ADCY2: variants seen among roughly 807,000 people sequenced by gnomAD.
The protein encoded by ADCY2 is adenylate cyclase 2.
ADCY2 carries 31 observed loss-of-function variants against 125.2 expected under a neutral mutation model. That is an observed-to-expected ratio of 0.25 (90% CI 0.19 to 0.33). The LOEUF (loss-of-function observed/expected upper bound fraction) is 0.33, where lower values mean the gene tolerates loss of function less well. Ranked by LOEUF, ADCY2 falls within the 10% of genes least tolerant of loss-of-function variation. The pLI is 1.00. For synonymous variants in ADCY2, 512 were observed against 548.4 expected, an observed-to-expected ratio of 0.93 and a Z score of 0.93; for missense variants, 904 against 1,418.2, an observed-to-expected ratio of 0.64 and a Z score of 5.82.
chr5:7,619,750 G>C (rs187893291), intron 3 of ADCY2, among the ~76,000 whole-genome samples: 3 of 152,292 alleles, frequency 2.0e-5, no homozygotes, highest in Admixed American at 2.0e-4. Context: ...GCAGAAAATA[G>C]GGAAGCCAAA....
In ADCY2 at chr5:7,626,239, G is replaced by A. The variant is rs1481792971; in HGVS notation, c.643G>A (p.Ala215Thr). 2 of 1,614,104 alleles carry A rather than the reference G, an allele frequency of 1.2e-6. No individual in the cohort carries two copies. Among genetic ancestry groups the A allele is most frequent in the Non-Finnish European group, 1.7e-6 (2 of 1,179,990 alleles). The change falls in exon 4 of 25, where the codon GCT becomes ACT. Residue 215 changes from alanine (A) to threonine (T), a missense_variant. Coordinates refer to ENST00000338316, the MANE Select transcript of ADCY2 (RefSeq NM_020546.3). ...CTACCATAAGCACCTCATGGAACTC[G>A]CTCTTCAGCAAACATATCAGGACAC... ...GAYHKHLMEL[A>T]LQQTYQDTCN...
chr5:7,572,448 C>G (rs920039495), intron 3 of ADCY2, among the ~76,000 whole-genome samples: 2 of 151,878 alleles, frequency 1.3e-5, no homozygotes, highest in Non-Finnish European at 2.9e-5. Context: ...ACATGTATGT[C>G]TCTTTTGGGG....
intron 18 of ADCY2, among the ~76,000 whole-genome samples, chr5:7,776,957 G>A (rs1360974577): frequency 1.3e-5 from 2 of 152,032 alleles, no homozygotes; most frequent in African/African-American, 4.8e-5. Flanking sequence ...CTTGGACTGA[G>A]CCACTCCCAG....
At position 7,698,776 on chromosome 5, in the gene ADCY2, C is replaced by T. The variant is rs187778161; in HGVS notation, c.1109+402C>T. The stretch of plus-strand genomic sequence containing the variant: ...TGTATATGTGCCACATTTTCTTAAT[C>T]CAGTCTATCGTTGGTGGACTTTTGG... On this transcript the variant is annotated intron_variant, in intron 7 of 24. Coordinates refer to ENST00000338316, the MANE Select transcript of ADCY2 (RefSeq NM_020546.3). Among the ~76,000 whole-genome samples the T allele has an allele frequency of 1.8e-4, 27 of 152,324 alleles. No individual in the cohort carries two copies. The East Asian group carries it at 4.1e-3, about 23-fold the overall frequency.
chr5:7,556,608 A>AG (rs934495775), intron 3 of ADCY2, among the ~76,000 whole-genome samples: 1 of 152,190 alleles, frequency 6.6e-6, no homozygotes, highest in African/African-American at 2.4e-5. Context: ...ACTTTAGACC[A>AG]GGGGTCCCTG....
intron 15 of ADCY2, among the ~76,000 whole-genome samples, chr5:7,747,344 TTC>T (rs1379763601): frequency 6.6e-6 from 1 of 152,242 alleles, no homozygotes; most frequent in East Asian, 1.9e-4. Context: ...TCTAAATTGT[TTC>T]TGTTTCCCCT....
chr5:7,693,408 T>TTTTTTTTGTTTTG (rs1554032723), intron 5 of ADCY2, among the ~76,000 whole-genome samples: 1 of 67,592 alleles, frequency 1.5e-5, no homozygotes, highest in African/African-American at 4.3e-5. Context: ...TGCCTGCTGT[T>TTTTTTTTGTTTTG]TTTTGTTTTT....
In ADCY2 at chr5:7,827,333, C is replaced by T. The variant is rs1229894012; in HGVS notation, c.*462C>T. On this transcript the variant is annotated 3_prime_UTR_variant, in exon 25 of 25. Coordinates refer to ENST00000338316, the MANE Select transcript of ADCY2 (RefSeq NM_020546.3). ...TCTGTGCTCACCCATTGTCTCATTG[C>T]CAGTGGTGTCCAAGGGCCCCCGTTG... 1 of 156,140 alleles carries T rather than the reference C, an allele frequency of 6.4e-6. No individual in the cohort carries two copies. The highest frequency in any genetic ancestry group is 2.4e-5 in the African/African-American group (1 of 41,476). The allele number at this position is 156,140 out of a possible 1,614,324, so 9.7% of individuals were successfully genotyped here.
intron 3 of ADCY2, among the ~76,000 whole-genome samples, chr5:7,555,852 GCGCA>G (rs921401304): frequency 1.8e-4 from 23 of 127,472 alleles, no homozygotes; most frequent in East Asian, 4.0e-4. Context: ...ACACATGTGA[GCGCA>G]CACACACACA....
chr5:7,539,956 A>C (rs7704012), intron 3 of ADCY2, among the ~76,000 whole-genome samples: 3,859 of 152,348 alleles, frequency 0.025, 161 homozygotes, highest in African/African-American at 0.087. Context: ...TACTAAACAC[A>C]GTTAATTATT....
At chr5:7,614,524 C>G (rs1360136639) in intron 3 of ADCY2, among the ~76,000 whole-genome samples, 1 of 152,162 alleles carries the variant, frequency 6.6e-6, no homozygotes, top group Non-Finnish European at 1.5e-5. Flanking sequence ...AAAAGTCCAC[C>G]TTTGGTTTTG....
At chr5:7,699,358 A>G (rs1325116063) in intron 7 of ADCY2, among the ~76,000 whole-genome samples, 2 of 151,558 alleles carry the variant, frequency 1.3e-5, no homozygotes, top group Non-Finnish European at 2.9e-5. Context: ...CGGCCTCCCA[A>G]AGTGCTGGGA....
At chr5:7,535,945 C>T (rs968695583) in intron 3 of ADCY2, among the ~76,000 whole-genome samples, 12 of 152,102 alleles carry the variant, frequency 7.9e-5, no homozygotes, top group East Asian at 1.9e-4. Flanking sequence ...CAGAGAAGGT[C>T]GCCATTTTGA....
intron 3 of ADCY2, among the ~76,000 whole-genome samples, chr5:7,596,284 C>T (rs529916315): frequency 8.6e-5 from 13 of 151,996 alleles, no homozygotes; most frequent in South Asian, 2.1e-4. Context: ...CTCCCCCCCC[C>T]CACCAGTTAG....
chr5:7,501,935 G>A (rs1044487408), intron 2 of ADCY2, among the ~76,000 whole-genome samples: 4 of 152,026 alleles, frequency 2.6e-5, no homozygotes, highest in African/African-American at 2.4e-5. Flanking sequence ...TCATCCAGAC[G>A]CAGAGAGTCT....
intron 11 of ADCY2, 81 bp downstream of exon 11, chr5:7,712,980 A>G: frequency 9.2e-7 from 1 of 1,086,824 alleles, no homozygotes; most frequent in South Asian, 1.4e-5. Flanking sequence ...AATTATGGTA[A>G]TTTCAAGGGC....
chr5:7,551,115 T>C (rs958468210), intron 3 of ADCY2, among the ~76,000 whole-genome samples: 11 of 150,164 alleles, frequency 7.3e-5, no homozygotes, highest in African/African-American at 2.7e-4. Flanking sequence ...GCAAAAGTTT[T>C]AACCTTCTGA....
At chr5:7,758,365 A>G (rs1450232230) in intron 16 of ADCY2, among the ~76,000 whole-genome samples, 2 of 152,160 alleles carry the variant, frequency 1.3e-5, no homozygotes, top group East Asian at 3.9e-4. Context: ...TTGTTCTCAC[A>G]TCAGCAGCAG....
At chr5:7,759,228 C>T (rs1396445146) in intron 16 of ADCY2, among the ~76,000 whole-genome samples, 1 of 152,182 alleles carries the variant, frequency 6.6e-6, no homozygotes, top group South Asian at 2.1e-4. Flanking sequence ...CCTACCTCAC[C>T]TGCCTGTGTG....
Sources: allele counts gnomAD v4.1 joint callset (sites outside exome capture counted in the v4.1 genomes callset), GRCh38; gene constraint gnomAD v4.1.1; transcripts MANE v1.5; gene names NCBI Gene and HGNC (gene_info 2026-07-23, HGNC 2026-07-21).